The following RGL1 variants were observed in gnomAD, a reference collection of about 807,000 sequenced individuals.
The protein encoded by RGL1 is ral guanine nucleotide dissociation stimulator like 1.
RGL1 carries 24 observed loss-of-function variants against 95.2 expected under a neutral mutation model. That is an observed-to-expected ratio of 0.25 (90% CI 0.18 to 0.35). The LOEUF (loss-of-function observed/expected upper bound fraction) is 0.35, where lower values mean the gene tolerates loss of function less well. Among genes scored for constraint, RGL1 ranks in the 10% least tolerant of loss-of-function variants. RGL1 has a pLI of 1.00. For missense variants in RGL1, 715 were observed against 936.3 expected (o/e 0.76, Z 3.08); for synonymous variants, 329 against 344.9 (o/e 0.95, Z 0.51).
At chr1:183,797,299 A>C (rs1660748356) in intron 2 of RGL1, among the ~76,000 whole-genome samples, 1 of 152,190 alleles carries the variant, frequency 6.6e-6, no homozygotes, top group South Asian at 2.1e-4. Context: ...ACGGCACTCC[A>C]GCCTGGGTGA....
rs182518440 is a variant in RGL1, at chr1:183,901,858, G to A, written c.1318-710G>A. Among the ~76,000 whole-genome samples, 19 of 152,308 alleles carry A rather than the reference G, an allele frequency of 1.2e-4. 1 individual carries two copies. In the East Asian group the frequency reaches 2.9e-3, roughly 23 times the overall value. Reference sequence around the variant, plus strand: ...ATTGAAAGATTGCTTGCATATTTCAGTATATACTACCCCCTTGTTATCATA... The same window carrying A: ...ATTGAAAGATTGCTTGCATATTTCAATATATACTACCCCCTTGTTATCATA... On this transcript the variant is annotated intron_variant, in intron 11 of 17. Coordinates refer to ENST00000360851, the MANE Select transcript of RGL1 (RefSeq NM_001297671.3).
At chr1:183,783,837 T>C (rs1479313075) in intron 2 of RGL1, among the ~76,000 whole-genome samples, 2 of 152,194 alleles carry the variant, frequency 1.3e-5, no homozygotes, top group Non-Finnish European at 2.9e-5. Flanking sequence ...TTGAATTTAA[T>C]ATTTATTGTG....
intron 3 of RGL1, among the ~76,000 whole-genome samples, chr1:183,857,545 G>T (rs1665233425): frequency 1.3e-5 from 2 of 152,072 alleles, no homozygotes; most frequent in Non-Finnish European, 2.9e-5. Flanking sequence ...CCTTTGTTCT[G>T]TTCAGGACAT....
At chr1:183,648,029 G>A (rs1439313454) in intron 1 of RGL1, 3 of 1,614,082 alleles carry the variant, frequency 1.9e-6, no homozygotes, top group African/African-American at 2.7e-5. Flanking sequence ...GAGCTTTTGT[G>A]TTTGGATTCC....
chr1:183,779,418 T>G (rs989867531), intron 2 of RGL1, among the ~76,000 whole-genome samples: 1 of 152,004 alleles, frequency 6.6e-6, no homozygotes, highest in Non-Finnish European at 1.5e-5. Context: ...CCAGCTAATT[T>G]TTGTATATTT....
Position 183,806,456 on chromosome 1 carries a change from G to C in RGL1, c.109G>C (p.Ala37Pro), listed in dbSNP as rs770185497. ...VTLKRVQIQQ[A>P]ANKGARWLGV... ...CCTCAAAAGAGTCCAGATTCAACAGGCTGCCAATAAAGGAGCAAGATGGCT... is the reference window on the plus strand; with the variant it reads ...CCTCAAAAGAGTCCAGATTCAACAGCCTGCCAATAAAGGAGCAAGATGGCT... The change falls in exon 2 of 18, where the codon GCT (alanine) becomes CCT (proline). Residue 37 changes from alanine to proline, a missense_variant. Transcript: ENST00000360851. The C allele has an allele frequency of 5.0e-6, 8 of 1,613,988 alleles. No individual in the cohort carries two copies. The highest frequency in any genetic ancestry group is 6.8e-6 in the Non-Finnish European group (8 of 1,179,912).
At chr1:183,750,938 C>T (rs183327957) in intron 2 of RGL1, among the ~76,000 whole-genome samples, 267 of 152,334 alleles carry the variant, frequency 1.8e-3, no homozygotes, top group Middle Eastern at 6.8e-3. Flanking sequence ...CTGGAAGCTT[C>T]GTCCCAGAGG....
rs1656179626 is a variant in RGL1, at chr1:183,724,141, A to G, written c.-32-17985A>G. On this transcript the variant is annotated intron_variant, in intron 1 of 18. Coordinates refer to the RGL1 transcript ENST00000304685. The surrounding 1 kb of genome is among the most constrained non-coding windows in gnomAD (Gnocchi z 4.1). ...TGCTAGCAAAAGAGCTCTTGAACCC[A>G]AAATAATCAGCAGTGGTAGGTGGGT... Among the ~76,000 whole-genome samples the G allele has an allele frequency of 6.6e-6, 1 of 152,194 alleles. No individual in the cohort carries two copies. The highest frequency in any genetic ancestry group is 2.4e-5 in the African/African-American group (1 of 41,452).
intron 1 of RGL1, among the ~76,000 whole-genome samples, chr1:183,683,876 T>G (rs1454465384): frequency 9.2e-5 from 14 of 152,184 alleles, no homozygotes; most frequent in Admixed American, 9.2e-4. Context: ...TTTCATTCTG[T>G]TTTCTCTAAT....
intron 1 of RGL1, among the ~76,000 whole-genome samples, chr1:183,714,343 G>C (rs1655487263): frequency 5.3e-5 from 8 of 152,088 alleles, no homozygotes; most frequent in Admixed American, 5.2e-4. Flanking sequence ...GGTCTATCTT[G>C]TCCCTTTTTA....
chr1:183,737,852 C>A (rs1657039590), intron 1 of RGL1, among the ~76,000 whole-genome samples: 1 of 152,080 alleles, frequency 6.6e-6, no homozygotes, highest in South Asian at 2.1e-4. Context: ...CCTTTTTTCA[C>A]CCCACTCCCA....
intron 1 of RGL1, among the ~76,000 whole-genome samples, chr1:183,740,407 TACAGATGGAGCATGGGAAG>T (rs1411454863): frequency 1.3e-5 from 2 of 152,226 alleles, no homozygotes; most frequent in Non-Finnish European, 2.9e-5. Flanking sequence ...CTCCATGGCT[TACAGATGGAGCATGGGAAG>T]CCCCAGAGCA....
At chr1:183,881,361 G>A (rs920217282) in intron 5 of RGL1, among the ~76,000 whole-genome samples, 8 of 152,160 alleles carry the variant, frequency 5.3e-5, no homozygotes, top group Admixed American at 1.3e-4. Flanking sequence ...TCATCATTTA[G>A]CATCTATAAG....
chr1:183,922,442 A>T, intron 17 of RGL1, 106 bp downstream of exon 17: 1 of 818,236 alleles, frequency 1.2e-6, no homozygotes, highest in Non-Finnish European at 2.0e-6. Flanking sequence ...GTATTGTTTT[A>T]TTGGGACCTA....
At chr1:183,741,085 C>T (rs1406649703) in intron 1 of RGL1, among the ~76,000 whole-genome samples, 1 of 151,954 alleles carries the variant, frequency 6.6e-6, no homozygotes, top group Non-Finnish European at 1.5e-5. Flanking sequence ...TATCTGGGGT[C>T]CATAGATACT....
At chr1:183,698,023 C>T (rs1366968413) in intron 1 of RGL1, among the ~76,000 whole-genome samples, 1 of 152,238 alleles carries the variant, frequency 6.6e-6, no homozygotes, top group African/African-American at 2.4e-5. Flanking sequence ...CAGCTTCCTG[C>T]CATGGCCACA....
At chr1:183,821,830 G>A (rs1317628350) in intron 2 of RGL1, among the ~76,000 whole-genome samples, 1 of 152,184 alleles carries the variant, frequency 6.6e-6, no homozygotes, top group African/African-American at 2.4e-5. Flanking sequence ...GGTCTCATGA[G>A]TGGTGATACT....
intron 10 of RGL1, among the ~76,000 whole-genome samples, chr1:183,899,583 A>G (rs1375207509): frequency 6.6e-6 from 1 of 152,216 alleles, no homozygotes; most frequent in East Asian, 1.9e-4. Flanking sequence ...ATCTGGTGTC[A>G]TGTTGATGGT....
chr1:183,882,245 T>C (rs1666864862), intron 5 of RGL1, among the ~76,000 whole-genome samples: 7 of 152,240 alleles, frequency 4.6e-5, no homozygotes, highest in Admixed American at 4.6e-4. Context: ...TCATGTAATC[T>C]TCATGCACAG....
Sources: allele counts gnomAD v4.1 joint callset (sites outside exome capture counted in the v4.1 genomes callset), GRCh38; gene constraint gnomAD v4.1.1; non-coding constraint Gnocchi (gnomAD v3.1); transcripts MANE v1.5; gene names NCBI Gene and HGNC (gene_info 2026-07-23, HGNC 2026-07-21).